Variants in URAD observed in about 807,000 individuals in gnomAD.
URAD encodes the protein putative 2-oxo-4-hydroxy-4-carboxy-5-ureidoimidazoline decarboxylase.
In URAD, 4 loss-of-function variants were observed where a neutral mutation model predicts 4.6. The observed-to-expected ratio is 0.87, with a 90% CI of 0.43 to 1.98. URAD has a LOEUF of 1.98. Among genes scored for constraint, URAD ranks in the 30% most tolerant of loss-of-function variants. URAD has a pLI of 0.03. For synonymous variants in URAD, 144 were observed against 118.2 expected, an observed-to-expected ratio of 1.22 and a Z score of -1.41; for missense variants, 300 against 255.3, an observed-to-expected ratio of 1.18 and a Z score of -1.19.
intron 1 of URAD, among the ~76,000 whole-genome samples, chr13:27,983,657 A>G (rs1190071074): frequency 1.3e-5 from 2 of 152,140 alleles, no homozygotes; most frequent in Admixed American, 6.5e-5. Flanking sequence ...TATTACATAT[A>G]TTTTTTCTGG....
chr13:27,980,526 G>C (rs947147063), intron 1 of URAD, among the ~76,000 whole-genome samples: 1 of 152,194 alleles, frequency 6.6e-6, no homozygotes, highest in Non-Finnish European at 1.5e-5. Flanking sequence ...GCGAGTCTTG[G>C]GCGGCTGGAC....
chr13:27,978,221 G>A lies in URAD; in HGVS notation c.407C>T (p.Ala136Val), dbSNP rs372545488. 30 of 1,470,962 alleles carry A rather than the reference G, an allele frequency of 2.0e-5. No homozygotes were observed. The African/African-American group carries it at 2.9e-4, about 14-fold the overall frequency. The allele number at this position is 1,470,962 out of a possible 1,614,324, so 91.1% of individuals were successfully genotyped here. Residue 136 changes from alanine to valine, a missense_variant, in exon 2 of 2, where the codon GCG (alanine) becomes GTG (valine). Transcript: ENST00000332715. ...CGCGGACGGGCAGAGCAGCCGGCGC[G>A]CCAGCTCGCGCGGCACCGCCGTCCG... Reference protein sequence around the residue: ...SDRTAVPRELARRLLCPSAQE... With the variant: ...SDRTAVPRELVRRLLCPSAQE...
intron 1 of URAD, among the ~76,000 whole-genome samples, chr13:27,980,441 C>T (rs1045095247): frequency 3.3e-5 from 5 of 152,198 alleles, no homozygotes; most frequent in Non-Finnish European, 7.3e-5. Flanking sequence ...CCGAGCTCAG[C>T]TCCCGCCCGG....
intron 1 of URAD, among the ~76,000 whole-genome samples, chr13:27,986,591 C>G (rs193093262): frequency 9.8e-5 from 15 of 152,294 alleles, no homozygotes; most frequent in Admixed American, 8.5e-4. Context: ...AGTAACTGGC[C>G]AAACCCAAGA....
chr13:27,978,405 G>T lies in URAD; in HGVS notation c.223C>A (p.Leu75Met). 1 of 1,395,784 alleles carries T rather than the reference G, an allele frequency of 7.2e-7. No individual in the cohort carries two copies. The highest frequency in any genetic ancestry group is 9.3e-7 in the Non-Finnish European group (1 of 1,080,056). The allele number at this position is 1,395,784 out of a possible 1,614,324, so 86.5% of individuals were successfully genotyped here. ...RCHPDLAGSE[L>M]QRGTLTAESQ... is the part of the protein sequence containing the mutation. ...TCGGCCGTGAGCGTGCCCCGCTGCA[G>T]CTCGCTGCCCGCCAGGTCCGGGTGG... The change falls in exon 2 of 2, where the codon CTG (leucine) becomes ATG (methionine). Residue 75 changes from leucine to methionine, a missense_variant. Leu to Met is a conservative substitution (Grantham distance 15, BLOSUM62 2). Coordinates refer to ENST00000332715, the MANE Select transcript of URAD (RefSeq NM_001105577.2).
intron 1 of URAD, among the ~76,000 whole-genome samples, chr13:27,983,542 A>G (rs1869935118): frequency 1.3e-5 from 2 of 152,026 alleles, no homozygotes; most frequent in African/African-American, 4.8e-5. Flanking sequence ...TTCCTTTTCT[A>G]TGAGTGGCCT....
chr13:27,984,584 A>G (rs939373182), intron 1 of URAD, among the ~76,000 whole-genome samples: 3 of 152,250 alleles, frequency 2.0e-5, no homozygotes, highest in Non-Finnish European at 4.4e-5. Flanking sequence ...AGACCACTGT[A>G]ACTTGAACGT....
intron 1 of URAD, among the ~76,000 whole-genome samples, chr13:27,987,186 G>A (rs1044708363): frequency 6.6e-6 from 1 of 152,122 alleles, no homozygotes; most frequent in South Asian, 2.1e-4. Flanking sequence ...GAGAGCAGGG[G>A]CTCTCCTTCC....
chr13:27,986,388 G>A (rs74497446), intron 1 of URAD, among the ~76,000 whole-genome samples: 15,628 of 152,178 alleles, frequency 0.1, 1,065 homozygotes, highest in Middle Eastern at 0.15. Context: ...CCTCGGGAGC[G>A]GGGGTTGCCC....
intron 1 of URAD, among the ~76,000 whole-genome samples, chr13:27,981,947 A>C (rs1869888602): frequency 6.6e-6 from 1 of 152,100 alleles, no homozygotes; most frequent in African/African-American, 2.4e-5. Flanking sequence ...AAAAGACCTT[A>C]GAGTTGTCTC....
In URAD at chr13:27,988,648, C is replaced by A; in HGVS notation, c.-11G>T. 1 of 1,584,578 alleles carries A rather than the reference C, an allele frequency of 6.3e-7. No homozygotes were observed. The highest frequency in any genetic ancestry group is 8.6e-7 in the Non-Finnish European group (1 of 1,163,680). ...CTTCTCAATGTCCATTCCTTGTATT[C>A]CACTGGAGACAGCGGGACGTCCAGC... On this transcript the variant is annotated 5_prime_UTR_variant, in exon 1 of 2. Transcript: ENST00000332715.
chr13:27,978,203 G>C lies in URAD; in HGVS notation c.425C>G (p.Pro142Arg), dbSNP rs757268000. The C allele has an allele frequency of 1.1e-5, 16 of 1,489,790 alleles. No individual in the cohort carries two copies. Among genetic ancestry groups the C allele is most frequent in the Admixed American group, 4.8e-5 (2 of 41,748 alleles). 92.3% of individuals were successfully genotyped at this position (1,489,790 alleles called of 1,614,324 possible). ...PRELARRLLC[P>R]SAQELRTALG... ...AGCAGTGCGCAGCTCCTGCGCGGAC[G>C]GGCAGAGCAGCCGGCGCGCCAGCTC... is the stretch of plus-strand genomic sequence containing the variant. The change falls in exon 2 of 2, where the codon CCG becomes CGG. Residue 142 changes from proline to arginine, a missense_variant. Coordinates refer to ENST00000332715, the MANE Select transcript of URAD (RefSeq NM_001105577.2).
At chr13:27,980,037 T>C (rs918663683) in intron 1 of URAD, among the ~76,000 whole-genome samples, 10 of 152,228 alleles carry the variant, frequency 6.6e-5, no homozygotes, top group African/African-American at 2.2e-4. Context: ...TCATGTCACC[T>C]ATAATCCCAT....
At position 27,978,249 on chromosome 13, in the gene URAD, C is replaced by T. The variant is rs776971705; in HGVS notation, c.379G>A (p.Asp127Asn). Reference sequence around the variant, plus strand: ...AGCTCGCGCGGCACCGCCGTCCGGTCGCTGAAGCGCGCGGCGAGCACGAAG... The same window carrying T: ...AGCTCGCGCGGCACCGCCGTCCGGTTGCTGAAGCGCGCGGCGAGCACGAAG... Reference protein sequence around the residue: ...FPFVLAARFSDRTAVPRELAR... With the variant: ...FPFVLAARFSNRTAVPRELAR... Residue 127 changes from aspartate (D) to asparagine (N), a missense_variant, in exon 2 of 2, where the codon GAC (aspartate) becomes AAC (asparagine). Physicochemically the swap from Asp to Asn is conservative, Grantham distance 23. Transcript: ENST00000332715. 1 of 1,446,906 alleles carries T rather than the reference C, an allele frequency of 6.9e-7. No individual in the cohort carries two copies. The highest frequency in any genetic ancestry group is 9.0e-7 in the Non-Finnish European group (1 of 1,109,390). 89.6% of individuals were successfully genotyped at this position (1,446,906 alleles called of 1,614,324 possible).
chr13:27,978,377 G>A lies in URAD; in HGVS notation c.251C>T (p.Ser84Leu). The A allele has an allele frequency of 7.1e-7, 1 of 1,401,614 alleles. No homozygotes were observed. Among genetic ancestry groups the A allele is most frequent in the African/African-American group, 1.5e-5 (1 of 66,212 alleles). The allele number at this position is 1,401,614 out of a possible 1,614,324, so 86.8% of individuals were successfully genotyped here. Residue 84 changes from serine (S) to leucine (L), a missense_variant, in exon 2 of 2, where the codon TCG becomes TTG. By Grantham distance (145) the Ser-to-Leu change is moderately radical (BLOSUM62 -2). Coordinates refer to ENST00000332715, the MANE Select transcript of URAD (RefSeq NM_001105577.2). ...GCCTGCGCCGCTCTGTTCCCGCTGC[G>A]ACTCGGCCGTGAGCGTGCCCCGCTG... ...ELQRGTLTAE[S>L]QREQSGAGLR...
rs529033568 is a variant in URAD at position 27,977,780 on chromosome 13, T to G, written c.*326A>C. 4.2e-5 allele frequency: 14 copies of G among 334,858 alleles called. No homozygotes were observed. The highest frequency in any genetic ancestry group is 6.5e-5 in the Non-Finnish European group (12 of 184,880). The allele number at this position is 334,858 out of a possible 1,614,324, so 20.7% of individuals were successfully genotyped here. A position where few individuals can be genotyped will look rare whatever the true frequency, so the allele number is the denominator to read the frequency against. ...GCAGTTCGGGCTTAGCAGGAGAGGG[T>G]TGGGGAGAACTGGATAAACGCTTTG... is the stretch of plus-strand genomic sequence containing the variant. On this transcript the variant is annotated 3_prime_UTR_variant, in exon 2 of 2. Coordinates refer to ENST00000332715, the MANE Select transcript of URAD (RefSeq NM_001105577.2).
chr13:27,981,016 C>G (rs1325665339), intron 1 of URAD, among the ~76,000 whole-genome samples: 1 of 93,144 alleles, frequency 1.1e-5, no homozygotes, highest in Non-Finnish European at 2.6e-5. Context: ...GCTTCTCTCT[C>G]TCTCTCTCTC....
Position 27,988,524 on chromosome 13 carries a change from G to A in URAD, c.114C>T (p.Phe38=), listed in dbSNP as rs1451675497. 4 of 1,613,796 alleles carry A rather than the reference G, an allele frequency of 2.5e-6. No individual in the cohort carries two copies. Among genetic ancestry groups the A allele is most frequent in the South Asian group, 1.1e-5 (1 of 91,062 alleles). Reference sequence around the variant, plus strand: ...GCTTCTCTAAATCTTCCAAATCAGAGAATGGCCGCTGGGACCAAACAGCAG... The same window carrying A: ...GCTTCTCTAAATCTTCCAAATCAGAAAATGGCCGCTGGGACCAAACAGCAG... The part of the protein sequence containing the change: ...IAAAVWSQRP[F]SDLEDLEKHF... Residue 38 remains phenylalanine (F), a synonymous_variant, in exon 1 of 2, where the codon TTC becomes TTT. Transcript: ENST00000332715.
chr13:27,980,063 G>A (rs1869829976), intron 1 of URAD, among the ~76,000 whole-genome samples: 1 of 152,140 alleles, frequency 6.6e-6, no homozygotes, highest in Admixed American at 6.6e-5. Context: ...TAACACCACT[G>A]TTTTTTGTTT....
Sources: allele counts gnomAD v4.1 joint callset (sites outside exome capture counted in the v4.1 genomes callset), GRCh38; gene constraint gnomAD v4.1.1; transcripts MANE v1.5; gene names NCBI Gene and HGNC (gene_info 2026-07-23, HGNC 2026-07-21).